TXNDC8: variants seen among roughly 807,000 people sequenced by gnomAD.
TXNDC8 encodes thioredoxin domain-containing protein 8.
Under a neutral mutation model 12.9 loss-of-function variants are expected in TXNDC8, and 15 were observed. The observed-to-expected ratio is 1.16, with a 90% confidence interval of 0.78 to 1.79. TXNDC8 has a LOEUF of 1.79. Ranked by LOEUF, TXNDC8 falls within the 40% of genes most tolerant of loss-of-function variation. The pLI is 0.00. For missense variants in TXNDC8, 128 were observed against 113.2 expected (o/e 1.13, Z -0.59); for synonymous variants, 40 against 35.4 (o/e 1.13, Z -0.46).
At chr9:110,327,520 G>A (rs1042931590) in intron 2 of TXNDC8, among the ~76,000 whole-genome samples, 5 of 151,928 alleles carry the variant, frequency 3.3e-5, no homozygotes, top group East Asian at 1.9e-4. Context: ...ATGGGGGTTC[G>A]CCACGTTGGC....
chr9:110,326,940 G>GCACGCACA (rs1554704833), intron 2 of TXNDC8, among the ~76,000 whole-genome samples: 1 of 142,922 alleles, frequency 7.0e-6, no homozygotes, highest in Non-Finnish European at 1.5e-5. Flanking sequence ...TGCTACTCAT[G>GCACGCACA]CACACACACA....
At chr9:110,321,428 A>G (rs1839086689) in intron 3 of TXNDC8, among the ~76,000 whole-genome samples, 1 of 152,320 alleles carries the variant, frequency 6.6e-6, no homozygotes, top group African/African-American at 2.4e-5. Flanking sequence ...TTTTTATACA[A>G]TGTACATTTA....
At chr9:110,330,094 T>C (rs1416360347) in intron 2 of TXNDC8, among the ~76,000 whole-genome samples, 1 of 152,240 alleles carries the variant, frequency 6.6e-6, no homozygotes, top group Non-Finnish European at 1.5e-5. Context: ...CCTGGGTATC[T>C]TTTCAGACAG....
chr9:110,318,959 C>A (rs988133120), intron 3 of TXNDC8, among the ~76,000 whole-genome samples: 1 of 152,156 alleles, frequency 6.6e-6, no homozygotes, highest in Non-Finnish European at 1.5e-5. Flanking sequence ...CACATGTGAG[C>A]CTTTGAACTG....
At chr9:110,322,792 G>A in intron 3 of TXNDC8, 1 of 985,558 alleles carries the variant, frequency 1.0e-6, no homozygotes, top group Non-Finnish European at 1.2e-6. Flanking sequence ...GCAGTGGGAT[G>A]CAGGGAAAAA....
chr9:110,329,143 G>T, intron 2 of TXNDC8, 89 bp downstream of exon 3: 1 of 1,092,446 alleles, frequency 9.2e-7, no homozygotes, highest in Non-Finnish European at 1.4e-6. Flanking sequence ...TTTTAAATTG[G>T]TCATGTATTA....
At chr9:110,334,191 T>G (rs759054807) in intron 2 of TXNDC8, 25 bp downstream of exon 2, 2,334 of 1,463,072 alleles carry the variant, frequency 1.6e-3, no homozygotes, top group Non-Finnish European at 2.0e-3. Flanking sequence ...TCTGAAACTA[T>G]GAGATATATA....
In TXNDC8 at chr9:110,322,768, G is replaced by T. The variant is rs993784598; in HGVS notation, c.195+3407C>A. ...GTTGGTACCAGGACAGAATCAGGAG[G>T]AGAGGCTGAGCTGGCAGTGGGATGC... On this transcript the variant is annotated intron_variant, in intron 3 of 4. Transcript: ENST00000423740. 8 of 985,542 alleles carry T rather than the reference G, an allele frequency of 8.1e-6. No homozygotes were observed. The Admixed American group carries it at 1.8e-4, about 23-fold the overall frequency. 61.0% of individuals were successfully genotyped at this position (985,542 alleles called of 1,614,324 possible).
At chr9:110,307,167 T>TGGTCTCAA (rs1023398329) in intron 3 of TXNDC8, among the ~76,000 whole-genome samples, 4 of 151,872 alleles carry the variant, frequency 2.6e-5, no homozygotes, top group African/African-American at 9.7e-5. Flanking sequence ...TTACCTAGGC[T>TGGTCTCAA]GGTCTCAAAC....
At chr9:110,323,662 A>C (rs536251793) in intron 3 of TXNDC8, 2 of 468,872 alleles carry the variant, frequency 4.3e-6, no homozygotes, top group African/African-American at 4.0e-5. Flanking sequence ...ACCAACCCAG[A>C]GTTTACATAG....
intron 3 of TXNDC8, among the ~76,000 whole-genome samples, chr9:110,321,411 A>G (rs1839086281): frequency 6.6e-6 from 1 of 152,248 alleles, no homozygotes; most frequent in Non-Finnish European, 1.5e-5. Flanking sequence ...AGAAATTATC[A>G]TAAAGCTTTT....
chr9:110,304,422 G>T (rs762999553), intron 4 of TXNDC8, 45 bp downstream of exon 5: 2 of 1,546,568 alleles, frequency 1.3e-6, no homozygotes, highest in Non-Finnish European at 1.8e-6. Context: ...TTCCTTCAAA[G>T]TAAACCCCAG....
At chr9:110,301,437 AT>A (rs2118661279), downstream of TXNDC8, among the ~76,000 whole-genome samples, 1 of 152,300 alleles carries the variant, frequency 6.6e-6, no homozygotes, top group Admixed American at 6.5e-5. Context: ...TTGTTATTTT[AT>A]TTTAAAAGTT....
intron 1 of TXNDC8, among the ~76,000 whole-genome samples, chr9:110,334,897 G>A (rs993249300): frequency 8.0e-6 from 1 of 124,244 alleles, no homozygotes; most frequent in Admixed American, 7.6e-5. Context: ...TTTTGGGGGG[G>A]AAGTGATCAT....
intron 3 of TXNDC8, among the ~76,000 whole-genome samples, chr9:110,310,284 A>G (rs894192156): frequency 1.3e-5 from 2 of 152,066 alleles, no homozygotes; most frequent in African/African-American, 4.8e-5. Flanking sequence ...GTTGGCAATT[A>G]AATCCATTTT....
intron 3 of TXNDC8, among the ~76,000 whole-genome samples, chr9:110,305,282 T>C (rs1838392757): frequency 6.6e-6 from 1 of 152,166 alleles, no homozygotes. Flanking sequence ...CTCAACATGA[T>C]GTTTATGAGA....
At chr9:110,302,468 C>A (rs1838289423), downstream of TXNDC8, among the ~76,000 whole-genome samples, 1 of 152,128 alleles carries the variant, frequency 6.6e-6, no homozygotes. Context: ...GCATATGGAG[C>A]CTATGCTTTG....
At chr9:110,325,036 C>T (rs1039655696) in intron 3 of TXNDC8, among the ~76,000 whole-genome samples, 1 of 152,082 alleles carries the variant, frequency 6.6e-6, no homozygotes, top group Admixed American at 6.6e-5. Context: ...AGCTTGAACC[C>T]AGGAGGCGGA....
At chr9:110,309,832 C>T (rs535853515) in intron 3 of TXNDC8, among the ~76,000 whole-genome samples, 15 of 151,824 alleles carry the variant, frequency 9.9e-5, no homozygotes, top group African/African-American at 1.5e-4. Context: ...CTCTAGGCCA[C>T]GGCTCAGTTC....
Sources: allele counts gnomAD v4.1 joint callset (sites outside exome capture counted in the v4.1 genomes callset), GRCh38; gene constraint gnomAD v4.1.1; transcripts MANE v1.5; gene names NCBI Gene and HGNC (gene_info 2026-07-23, HGNC 2026-07-21).